Variants in NRG1 observed in about 807,000 individuals in gnomAD.
NRG1 encodes the protein pro-neuregulin-1, membrane-bound isoform.
A neutral mutation model predicts 63.8 loss-of-function variants in NRG1; 18 were observed. The ratio of observed to expected loss-of-function variants is 0.28; its 90% CI spans 0.19 to 0.42. The LOEUF (loss-of-function observed/expected upper bound fraction) is 0.42, where lower values mean the gene tolerates loss of function less well. Ranked by LOEUF, NRG1 falls within the 10% of genes least tolerant of loss-of-function variation. The pLI is 1.00. For missense variants in NRG1, 762 were observed against 814.7 expected (o/e 0.94, Z 0.79); for synonymous variants, 302 against 301.3 (o/e 1.00, Z -0.02).
chr8:32,292,802 A>G (rs1032183209), intron 1 of NRG1, among the ~76,000 whole-genome samples: 3 of 152,092 alleles, frequency 2.0e-5, no homozygotes, highest in Non-Finnish European at 4.4e-5. Context: ...TAAAATAGAG[A>G]CAGTGTAAAA....
At chr8:32,253,321 G>A (rs868303315) in intron 1 of NRG1, among the ~76,000 whole-genome samples, 5 of 152,124 alleles carry the variant, frequency 3.3e-5, no homozygotes, top group Middle Eastern at 6.8e-3. Context: ...GATATTGCCT[G>A]GGGGGTTGCC....
intron 1 of NRG1, among the ~76,000 whole-genome samples, chr8:31,960,359 G>A (rs327402): frequency 0.85 from 129,129 of 152,008 alleles, 55,699 homozygotes; most frequent in African/African-American, 0.96. Context: ...AGTGAGGAGG[G>A]AGACTTCAGA....
chr8:32,197,577 C>G (rs1460611835), intron 1 of NRG1, among the ~76,000 whole-genome samples: 2 of 152,206 alleles, frequency 1.3e-5, no homozygotes, highest in African/African-American at 2.4e-5. Flanking sequence ...GAACTTGGAT[C>G]AGGTCATCTC....
intron 5 of NRG1, among the ~76,000 whole-genome samples, chr8:32,691,750 G>C (rs1318126152): frequency 6.6e-6 from 1 of 152,190 alleles, no homozygotes; most frequent in Non-Finnish European, 1.5e-5. Context: ...GGGAATTGTT[G>C]TTGTGATTAA....
chr8:32,031,664 A>G (rs1391790198), intron 1 of NRG1, among the ~76,000 whole-genome samples: 1 of 151,750 alleles, frequency 6.6e-6, no homozygotes, highest in African/African-American at 2.4e-5. Context: ...CCCTGTGTCC[A>G]TGTGTTCTTA....
At position 32,712,007 on chromosome 8, in the gene NRG1, G is replaced by T. The variant is rs566574216; in HGVS notation, c.503-15942G>T. Among the ~76,000 whole-genome samples the T allele has an allele frequency of 3.3e-5, 5 of 152,084 alleles. 1 individual carries two copies. Among genetic ancestry groups the T allele is most frequent in the Admixed American group, 3.3e-4 (5 of 15,264 alleles). ...ATAACGGATGGCAGAGTGAGCCTGC[G>T]TAGGTAATAACTTATTATTATTACC... is the stretch of plus-strand genomic sequence containing the variant. On this transcript the variant is annotated intron_variant, in intron 5 of 11. Transcript: ENST00000356819.
upstream of NRG1, among the ~76,000 whole-genome samples, chr8:32,546,755 A>G (rs1833112152): frequency 6.6e-6 from 1 of 152,228 alleles, no homozygotes; most frequent in South Asian, 2.1e-4. Flanking sequence ...ATATCTTTCC[A>G]CAGTTAAACC....
intron 1 of NRG1, among the ~76,000 whole-genome samples, chr8:32,570,417 A>G (rs760173126): frequency 1.2e-4 from 18 of 152,202 alleles, no homozygotes; most frequent in Middle Eastern, 3.2e-3. Context: ...TGGAGAGCTT[A>G]TATTCTAAAG....
chr8:32,450,766 T>C (rs1361204951), intron 1 of NRG1, among the ~76,000 whole-genome samples: 1 of 152,172 alleles, frequency 6.6e-6, no homozygotes, highest in Non-Finnish European at 1.5e-5. Context: ...ATGAAGAGCA[T>C]AGAAGAGTCT....
chr8:32,331,557 T>C (rs1802656831), intron 1 of NRG1, among the ~76,000 whole-genome samples: 1 of 151,912 alleles, frequency 6.6e-6, no homozygotes, highest in South Asian at 2.1e-4. Flanking sequence ...TTCTTCAAAT[T>C]GCCCCTTTAC....
At chr8:31,905,723 G>T (rs1435726074) in intron 1 of NRG1, among the ~76,000 whole-genome samples, 1 of 142,228 alleles carries the variant, frequency 7.0e-6, no homozygotes, top group Non-Finnish European at 1.5e-5. Context: ...ATAATATTAA[G>T]TTAAGATGCT....
At chr8:31,768,789 C>T (rs145498117) in intron 1 of NRG1, among the ~76,000 whole-genome samples, 170 of 152,316 alleles carry the variant, frequency 1.1e-3, no homozygotes, top group Middle Eastern at 3.4e-3. Context: ...AGAATCTGCT[C>T]CCCTTGTGAG....
At chr8:32,429,738 A>C (rs73252737) in intron 1 of NRG1, among the ~76,000 whole-genome samples, 1 of 152,244 alleles carries the variant, frequency 6.6e-6, no homozygotes, top group Non-Finnish European at 1.5e-5. Flanking sequence ...CTCCTCAGAC[A>C]CTGGACATCC....
intron 1 of NRG1, among the ~76,000 whole-genome samples, chr8:32,212,000 A>G (rs1387982568): frequency 1.3e-5 from 2 of 152,174 alleles, no homozygotes; most frequent in Non-Finnish European, 2.9e-5. Context: ...TTTTTCCCAA[A>G]TAGATAAACA....
intron 1 of NRG1, among the ~76,000 whole-genome samples, chr8:32,453,444 G>T (rs1263752266): frequency 1.3e-5 from 2 of 152,114 alleles, no homozygotes; most frequent in African/African-American, 2.4e-5. Context: ...ATGCATTAGG[G>T]CCTCCCACAT....
chr8:32,313,045 C>T (rs4336564), intron 1 of NRG1, among the ~76,000 whole-genome samples: 34,736 of 151,762 alleles, frequency 0.23, 4,782 homozygotes, highest in East Asian at 0.63. Flanking sequence ...CCCAGCTACT[C>T]GGGAGGCTGA....
intron 1 of NRG1, among the ~76,000 whole-genome samples, chr8:32,495,164 A>T (rs1827044717): frequency 6.6e-6 from 1 of 152,168 alleles, no homozygotes; most frequent in African/African-American, 2.4e-5. Flanking sequence ...CCAAAATCTC[A>T]TCTTGAACTG....
At chr8:32,199,082 T>C (rs1586031389) in intron 1 of NRG1, among the ~76,000 whole-genome samples, 1 of 152,102 alleles carries the variant, frequency 6.6e-6, no homozygotes, top group Non-Finnish European at 1.5e-5. Context: ...TTTTCTGGAG[T>C]TGATAATTGC....
chr8:32,527,909 A>G (rs1342900622), intron 1 of NRG1, among the ~76,000 whole-genome samples: 2 of 152,046 alleles, frequency 1.3e-5, no homozygotes, highest in Non-Finnish European at 2.9e-5. Flanking sequence ...GAATATGTCC[A>G]TTATCCAACC....
Sources: gnomAD v4.1 joint callset for allele counts (sites outside exome capture counted in the v4.1 genomes callset) on GRCh38, gnomAD v4.1.1 for gene constraint, MANE v1.5 for transcripts, NCBI Gene and HGNC (gene_info 2026-07-23, HGNC 2026-07-21) for gene names.